The following ZFHX3 variants were observed in gnomAD, a reference collection of about 807,000 sequenced individuals.
ZFHX3 encodes zinc finger homeobox protein 3.
A neutral mutation model predicts 279.1 loss-of-function variants in ZFHX3; 42 were observed. That is an observed-to-expected ratio of 0.15 (90% confidence interval 0.12 to 0.19). The LOEUF (loss-of-function observed/expected upper bound fraction) is 0.19, where lower values mean the gene tolerates loss of function less well. ZFHX3 is among the 10% of genes least tolerant of loss of function. ZFHX3 has a pLI of 1.00. For missense variants in ZFHX3, 4,981 were observed against 4,754.0 expected (o/e 1.05, Z -1.40); for synonymous variants, 2,293 against 1,957.8 (o/e 1.17, Z -4.52).
chr16:73,426,962 T>C lies in ZFHX3; in HGVS notation c.-1291+29041A>G, dbSNP rs188339619. Among the ~76,000 whole-genome samples the C allele has an allele frequency of 8.2e-3, 1,245 of 152,248 alleles. 14 individuals carry two copies. Among genetic ancestry groups the C allele is most frequent in the Non-Finnish European group, 0.014 (947 of 68,012 alleles). ...TTTTAGTGTAATTTACGGGGTCCAG[T>C]CATTGTGCCTGGGTGTCTGGCCTGC... On this transcript the variant is annotated intron_variant, in intron 3 of 17. Transcript: ENST00000641206.
chr16:73,100,572 C>T (rs1287178515), intron 7 of ZFHX3, among the ~76,000 whole-genome samples: 1 of 150,176 alleles, frequency 6.7e-6, no homozygotes, highest in Non-Finnish European at 1.5e-5. Context: ...TCCAGGAATT[C>T]CCCTCTTTTT....
intron 8 of ZFHX3, among the ~76,000 whole-genome samples, chr16:73,070,895 G>A (rs1429332467): frequency 6.8e-6 from 1 of 147,310 alleles, no homozygotes; most frequent in Non-Finnish European, 1.5e-5. Context: ...TCCCCTTGCG[G>A]GCTGGTTCCT....
chr16:72,999,521 G>A (rs1016789838), intron 1 of ZFHX3, among the ~76,000 whole-genome samples: 1 of 152,148 alleles, frequency 6.6e-6, no homozygotes, highest in Non-Finnish European at 1.5e-5. Flanking sequence ...ATCACTATAA[G>A]CAGAAGAAAA....
At chr16:72,788,891 G>A in intron 9 of ZFHX3, 43 bp from the exon 10 acceptor site, 10 of 1,509,016 alleles carry the variant, frequency 6.6e-6, no homozygotes, top group Non-Finnish European at 8.8e-6. Flanking sequence ...GTCTGGGCAG[G>A]GGTAGGGCTG....
rs906146388 is a variant in ZFHX3 at position 72,786,655 on chromosome 16, T to C, written c.*509A>G. The stretch of plus-strand genomic sequence containing the variant: ...GATTCTGAAAACAAAGTGTGAGCGA[T>C]TGACCTGAGAATAAAAAGACATTAC... On this transcript the variant is annotated 3_prime_UTR_variant, in exon 10 of 10. Coordinates refer to ENST00000268489, the MANE Select transcript of ZFHX3 (RefSeq NM_006885.4). The C allele has an allele frequency of 6.6e-6, 1 of 151,886 alleles. No individual in the cohort carries two copies. Among genetic ancestry groups the C allele is most frequent in the Non-Finnish European group, 1.5e-5 (1 of 67,906 alleles). The allele number at this position is 151,886 out of a possible 1,614,324, so 9.4% of individuals were successfully genotyped here. A position where few individuals can be genotyped will look rare whatever the true frequency, so the allele number is the denominator to read the frequency against.
At chr16:73,017,369 G>A (rs1273102520) in intron 1 of ZFHX3, among the ~76,000 whole-genome samples, 1 of 152,072 alleles carries the variant, frequency 6.6e-6, no homozygotes, top group African/African-American at 2.4e-5. Context: ...CAGGGAGGTG[G>A]GTCCCAAAAA....
At chr16:73,450,765 C>G (rs1037417187) in intron 3 of ZFHX3, among the ~76,000 whole-genome samples, 1 of 152,224 alleles carries the variant, frequency 6.6e-6, no homozygotes, top group Non-Finnish European at 1.5e-5. Context: ...AGATTAACAG[C>G]TTCTGCCATT....
chr16:73,871,131 T>G (rs756187009), intron 1 of ZFHX3, among the ~76,000 whole-genome samples: 3 of 152,140 alleles, frequency 2.0e-5, no homozygotes, highest in Non-Finnish European at 4.4e-5. Flanking sequence ...GACACAAATT[T>G]ACATAAAGCT....
chr16:72,801,149 A>T (rs1042759361), intron 7 of ZFHX3, among the ~76,000 whole-genome samples: 1 of 152,146 alleles, frequency 6.6e-6, no homozygotes, highest in Non-Finnish European at 1.5e-5. Context: ...ATTTCAAATG[A>T]ATTAGAAACC....
At chr16:73,052,179 G>A (rs1965463201), upstream of ZFHX3, among the ~76,000 whole-genome samples, 1 of 151,642 alleles carries the variant, frequency 6.6e-6, no homozygotes, top group Non-Finnish European at 1.5e-5. Flanking sequence ...AAAAGAAATG[G>A]GCGATGGGAT....
rs9921871 is a variant in ZFHX3, at chr16:73,308,707, A to G, written c.-1194+9533T>C. ...GGAACAACTTATGCATTTATCGTCAACAATTTATTGAGTGTTTTCAGAACC... is the reference window on the plus strand; with the variant it reads ...GGAACAACTTATGCATTTATCGTCAGCAATTTATTGAGTGTTTTCAGAACC... On this transcript the variant is annotated intron_variant, in intron 4 of 17. Transcript: ENST00000641206. Among the ~76,000 whole-genome samples the G allele has an allele frequency of 4.9e-3, 752 of 152,296 alleles. 6 individuals are homozygous for G. The highest frequency in any genetic ancestry group is 0.016 in the African/African-American group (681 of 41,578).
At chr16:73,524,415 G>T (rs919930330) in intron 2 of ZFHX3, among the ~76,000 whole-genome samples, 1 of 152,104 alleles carries the variant, frequency 6.6e-6, no homozygotes, top group Non-Finnish European at 1.5e-5. Flanking sequence ...GAAGTCTTGC[G>T]GCCTTTCCAT....
chr16:73,483,836 G>A (rs989928788), intron 2 of ZFHX3, among the ~76,000 whole-genome samples: 29 of 152,020 alleles, frequency 1.9e-4, no homozygotes, highest in African/African-American at 5.1e-4. Context: ...GAAGAAAAAT[G>A]GACCGAGGGC....
chr16:73,358,342 C>G (rs1227479917), intron 3 of ZFHX3, among the ~76,000 whole-genome samples: 1 of 152,242 alleles, frequency 6.6e-6, no homozygotes, highest in East Asian at 1.9e-4. Flanking sequence ...CCTCCATGCT[C>G]TCTCCTCCAT....
At chr16:73,403,953 TCCA>T (rs1567473356) in intron 3 of ZFHX3, among the ~76,000 whole-genome samples, 72 of 152,136 alleles carry the variant, frequency 4.7e-4, no homozygotes, top group African/African-American at 1.6e-3. Context: ...ATTTTTTTTT[TCCA>T]GGCGAAAATG....
At chr16:73,168,215 CTTTCTTTCTTTCTT>C (rs1177267323) in intron 5 of ZFHX3, among the ~76,000 whole-genome samples, 39 of 92,462 alleles carry the variant, frequency 4.2e-4, no homozygotes, top group African/African-American at 1.7e-3. Context: ...CTTTTGTTTT[CTTTCTTTCTTTCTT>C]TCTTTCTTTC....
chr16:73,315,988 C>T (rs2015438466), intron 4 of ZFHX3, among the ~76,000 whole-genome samples: 1 of 152,148 alleles, frequency 6.6e-6, no homozygotes, highest in African/African-American at 2.4e-5. Context: ...CTGGACCAGC[C>T]CTCCCTGACC....
intron 5 of ZFHX3, among the ~76,000 whole-genome samples, chr16:73,154,360 C>A (rs925256219): frequency 6.6e-6 from 1 of 152,128 alleles, no homozygotes; most frequent in South Asian, 2.1e-4. Flanking sequence ...TTTCCTGTTC[C>A]GTTTTTCTGT....
chr16:73,334,193 G>T (rs2015862441), intron 3 of ZFHX3, among the ~76,000 whole-genome samples: 1 of 152,162 alleles, frequency 6.6e-6, no homozygotes, highest in South Asian at 2.1e-4. Flanking sequence ...GGAAAGCAGA[G>T]GGGGCCACGG....
Sources: gnomAD v4.1 joint callset for allele counts (sites outside exome capture counted in the v4.1 genomes callset) on GRCh38, gnomAD v4.1.1 for gene constraint, MANE v1.5 for transcripts, NCBI Gene and HGNC (gene_info 2026-07-23, HGNC 2026-07-21) for gene names.